Variants in UBAP2 observed in about 807,000 individuals in gnomAD.
UBAP2 encodes ubiquitin-associated protein 2.
Under a neutral mutation model 139.6 loss-of-function variants are expected in UBAP2, and 75 were observed. That is an observed-to-expected ratio of 0.54 (90% CI 0.45 to 0.65). The LOEUF is 0.65. UBAP2 is among the 30% of genes least tolerant of loss of function. The probability of loss-of-function intolerance (pLI) is 0.00; values close to 1 mark genes in which losing one functional copy is unlikely to be tolerated. For missense variants in UBAP2, 1,368 were observed against 1,369.6 expected, an observed-to-expected ratio of 1.00 and a Z score of 0.02; for synonymous variants, 526 against 526.2, an observed-to-expected ratio of 1.00 and a Z score of 0.01.
chr9:34,004,946 G>C (rs1823056656), intron 2 of UBAP2, among the ~76,000 whole-genome samples: 1 of 151,504 alleles, frequency 6.6e-6, no homozygotes, highest in Admixed American at 6.6e-5. Flanking sequence ...GACACTTCTT[G>C]CATCACCTTT....
chr9:33,963,891 T>G, intron 8 of UBAP2, 100 bp from the exon 9 acceptor site: 1 of 839,456 alleles, frequency 1.2e-6, no homozygotes, highest in Middle Eastern at 2.3e-4. Flanking sequence ...ATATGCTGCG[T>G]TACTGCCCAA....
At chr9:33,987,572 G>A (rs915112439) in intron 5 of UBAP2, among the ~76,000 whole-genome samples, 4 of 152,138 alleles carry the variant, frequency 2.6e-5, no homozygotes, top group African/African-American at 4.8e-5. Flanking sequence ...TCATGCCACT[G>A]CACTTCAGCC....
chr9:33,973,214 C>T lies in UBAP2; in HGVS notation c.544G>A (p.Gly182Arg). Residue 182 changes from glycine (G) to arginine (R), a missense_variant, in exon 7 of 29, where the codon GGG becomes AGG. Gly to Arg is a moderately radical substitution (Grantham distance 125). Transcript: ENST00000379238. ...GRGFGRGRGR[G>R]AGRFSTQGMG... ...CCTTGGGTTGAGAACCTTCCTGCCCCTCTCCCTCTGCCACGTCCAAATCCT... is the reference window on the plus strand; with the variant it reads ...CCTTGGGTTGAGAACCTTCCTGCCCTTCTCCCTCTGCCACGTCCAAATCCT... 6.2e-7 allele frequency: 1 copy of T among 1,613,936 alleles called. No individual in the cohort carries two copies. Among genetic ancestry groups the T allele is most frequent in the Non-Finnish European group, 8.5e-7 (1 of 1,179,922 alleles).
intron 2 of UBAP2, among the ~76,000 whole-genome samples, chr9:34,011,127 A>C (rs1192007097): frequency 6.6e-6 from 1 of 152,162 alleles, no homozygotes; most frequent in Non-Finnish European, 1.5e-5. Context: ...GGGTGAAAGA[A>C]TCTCACCAAA....
Position 33,933,985 on chromosome 9 carries a change from T to C in UBAP2, c.1970-357A>G, listed in dbSNP as rs1433104542. 6 of 191,908 alleles carry C rather than the reference T, an allele frequency of 3.1e-5. No homozygotes were observed. The South Asian group carries it at 4.5e-4, about 14-fold the overall frequency. 11.9% of individuals were successfully genotyped at this position (191,908 alleles called of 1,614,324 possible). On this transcript the variant is annotated intron_variant, in intron 17 of 28. Coordinates refer to ENST00000379238, the MANE Select transcript of UBAP2 (RefSeq NM_001370062.2). ...GTGCTGAGCCTAATATGTAGAATTA[T>C]AACGTGAGGCAAACTCCTCAAAGGG...
intron 2 of UBAP2, among the ~76,000 whole-genome samples, chr9:34,000,649 G>A (rs908252253): frequency 7.2e-5 from 11 of 152,146 alleles, no homozygotes; most frequent in African/African-American, 2.4e-4. Context: ...CTTAGAGGAA[G>A]AAAAGCCATA....
At chr9:33,941,542 TAGTC>T in intron 16 of UBAP2, 103 bp downstream of exon 16, 1 of 959,586 alleles carries the variant, frequency 1.0e-6, no homozygotes, top group Non-Finnish European at 1.6e-6. Context: ...CTCAAAAGGT[TAGTC>T]AATTTGTAAA....
chr9:33,989,507 C>T (rs765881481), intron 4 of UBAP2, among the ~76,000 whole-genome samples: 11 of 152,174 alleles, frequency 7.2e-5, no homozygotes, highest in East Asian at 5.8e-4. Context: ...GGCACATGCA[C>T]GTATCTTTCA....
At chr9:33,960,011 C>T (rs1245332380) in intron 10 of UBAP2, among the ~76,000 whole-genome samples, 1 of 152,118 alleles carries the variant, frequency 6.6e-6, no homozygotes, top group Non-Finnish European at 1.5e-5. Flanking sequence ...GATAATGCAG[C>T]CTTGAACTCC....
intron 1 of UBAP2, among the ~76,000 whole-genome samples, chr9:34,027,085 T>C (rs73645571): frequency 8.0e-4 from 122 of 152,326 alleles, no homozygotes; most frequent in African/African-American, 2.7e-3. Flanking sequence ...TTCTAATCTG[T>C]GTTCCCGCAT....
chr9:33,948,298 C>T, intron 13 of UBAP2, 76 bp downstream of exon 13: 1 of 1,323,300 alleles, frequency 7.6e-7, no homozygotes, highest in Non-Finnish European at 1.0e-6. Context: ...CCACATTAGT[C>T]TTCACAAGTC....
In UBAP2 at chr9:34,042,689, C is replaced by T. The variant is rs980146548; in HGVS notation, c.-42+6136G>A. ...AGGGTAATGGTTACCTCAAGGAAAG[C>T]GAAAAGAAATGCCTTGGGAGCTGGC... On this transcript the variant is annotated intron_variant, in intron 1 of 28. Coordinates refer to ENST00000379238, the MANE Select transcript of UBAP2 (RefSeq NM_001370062.2). Among the ~76,000 whole-genome samples, 5 of 151,732 alleles carry T rather than the reference C, an allele frequency of 3.3e-5. 2 individuals carry two copies. The South Asian group carries it at 8.3e-4, about 25-fold the overall frequency.
chr9:33,981,121 T>TGG lies in UBAP2; in HGVS notation c.520+5638_520+5639insCC, dbSNP rs1399051175. ...TATTCTGGATATATATATATATATA[T>TGG]ATATATATATATATATTCTGGATAT... On this transcript the variant is annotated intron_variant, in intron 6 of 28. Coordinates refer to ENST00000379238, the MANE Select transcript of UBAP2 (RefSeq NM_001370062.2). Among the ~76,000 whole-genome samples, 4 of 10,786 alleles carry TGG rather than the reference T, an allele frequency of 3.7e-4. 2 individuals are homozygous for TGG. The highest frequency in any genetic ancestry group is 7.8e-3 in the East Asian group (2 of 258). 7.1% of individuals were successfully genotyped at this position (10,786 alleles called of 152,430 possible). A position where few individuals can be genotyped will look rare whatever the true frequency, so the allele number is the denominator to read the frequency against.
At chr9:33,947,739 G>A (rs1280786066) in intron 13 of UBAP2, among the ~76,000 whole-genome samples, 4 of 151,750 alleles carry the variant, frequency 2.6e-5, no homozygotes, top group African/African-American at 9.7e-5. Flanking sequence ...GTGGGAGGAT[G>A]GACTGAGCCT....
chr9:33,956,883 C>T (rs990700299), intron 10 of UBAP2, among the ~76,000 whole-genome samples: 4 of 151,590 alleles, frequency 2.6e-5, no homozygotes, highest in African/African-American at 9.7e-5. Flanking sequence ...TCTGGGCAGC[C>T]GAGGCAGGAG....
At chr9:33,932,881 G>A (rs777845536) in intron 18 of UBAP2, among the ~76,000 whole-genome samples, 6 of 152,156 alleles carry the variant, frequency 3.9e-5, no homozygotes, top group South Asian at 2.1e-4. Flanking sequence ...CCTCAGATGC[G>A]AAAAGTGAAG....
intron 16 of UBAP2, 90 bp from the exon 17 acceptor site, chr9:33,935,968 A>T: frequency 1.7e-6 from 2 of 1,182,488 alleles, no homozygotes; most frequent in Non-Finnish European, 2.4e-6. Flanking sequence ...CATGTAGCTT[A>T]ATCAAGAAAC....
intron 19 of UBAP2, chr9:33,928,347 A>G (rs911295474): frequency 8.8e-6 from 2 of 227,002 alleles, no homozygotes; most frequent in African/African-American, 4.5e-5. Context: ...AACACAGACT[A>G]TCTGAATATG....
At chr9:33,945,170 G>T (rs1825559912) in intron 13 of UBAP2, among the ~76,000 whole-genome samples, 1 of 132,952 alleles carries the variant, frequency 7.5e-6, no homozygotes, top group Admixed American at 7.2e-5. Context: ...TAAGTTTTTG[G>T]ACTAATTGAT....
Sources: allele counts gnomAD v4.1 joint callset (sites outside exome capture counted in the v4.1 genomes callset), GRCh38; gene constraint gnomAD v4.1.1; transcripts MANE v1.5; gene names NCBI Gene and HGNC (gene_info 2026-07-23, HGNC 2026-07-21).